The following TNS1 variants were observed in gnomAD, a reference collection of about 807,000 sequenced individuals.
The protein encoded by TNS1 is tensin 1.
In TNS1, 62 loss-of-function variants were observed where a neutral mutation model predicts 168.6. The ratio of observed to expected loss-of-function variants is 0.37; its 90% CI spans 0.30 to 0.45. The LOEUF is 0.45. Among genes scored for constraint, TNS1 ranks in the 20% least tolerant of loss-of-function variants. The pLI, the probability that TNS1 is intolerant of heterozygous loss-of-function variation, is 1.00. For missense variants in TNS1, 2,240 were observed against 2,339.4 expected, an observed-to-expected ratio of 0.96 and a Z score of 0.88; for synonymous variants, 934 against 933.2, an observed-to-expected ratio of 1.00 and a Z score of -0.02.
chr2:217,864,108 G>A (rs1949041187), intron 18 of TNS1, among the ~76,000 whole-genome samples: 1 of 152,180 alleles, frequency 6.6e-6, no homozygotes, highest in Admixed American at 6.5e-5. Context: ...AGTGCCAGAG[G>A]ATTACTCAGG....
chr2:217,838,267 C>T (rs369492516), intron 19 of TNS1, among the ~76,000 whole-genome samples: 2 of 152,190 alleles, frequency 1.3e-5, no homozygotes, highest in African/African-American at 2.4e-5. Context: ...TTTGAGGCAC[C>T]GAATCTCCTG....
intron 22 of TNS1, among the ~76,000 whole-genome samples, chr2:217,824,181 G>A (rs1188974726): frequency 1.3e-5 from 2 of 152,132 alleles, no homozygotes; most frequent in Non-Finnish European, 2.9e-5. Flanking sequence ...TACCAAAATA[G>A]TCAGTGGACA....
rs775730531 is a variant in TNS1 at position 217,869,591 on chromosome 2, C to T, written c.1429+11307G>A. The stretch of plus-strand genomic sequence containing the variant: ...AGTGGCCTGATGGAGTCTCCCCAGG[C>T]GGCCACATGGGGAGGAGGTGAGGAA... On this transcript the variant is annotated intron_variant, in intron 18 of 32. Transcript: ENST00000682258. Among the ~76,000 whole-genome samples, 9 of 152,250 alleles carry T rather than the reference C, an allele frequency of 5.9e-5. No homozygotes were observed. In the South Asian group the frequency reaches 6.2e-4, roughly 11 times the overall value.
chr2:217,834,755 G>A (rs1003975021), intron 21 of TNS1, among the ~76,000 whole-genome samples: 7 of 152,226 alleles, frequency 4.6e-5, no homozygotes, highest in South Asian at 4.1e-4. Context: ...AAAGAGTCAC[G>A]CTAAGATGGT....
intron 18 of TNS1, among the ~76,000 whole-genome samples, chr2:217,866,360 G>A (rs1025912151): frequency 5.3e-5 from 8 of 152,162 alleles, no homozygotes; most frequent in Non-Finnish European, 8.8e-5. Flanking sequence ...GCTCTACCAG[G>A]CACTGTTTGG....
At chr2:217,988,304 T>C (rs1958253475) in intron 2 of TNS1, among the ~76,000 whole-genome samples, 1 of 152,228 alleles carries the variant, frequency 6.6e-6, no homozygotes, top group Non-Finnish European at 1.5e-5. Context: ...GGGAGCCTTC[T>C]GTTCACATGG....
chr2:217,866,271 C>T (rs143298137), intron 18 of TNS1, among the ~76,000 whole-genome samples: 28 of 152,348 alleles, frequency 1.8e-4, no homozygotes, highest in African/African-American at 6.5e-4. Flanking sequence ...CTCCACTGTG[C>T]AATGGCAGAG....
intron 19 of TNS1, among the ~76,000 whole-genome samples, chr2:217,840,112 GAGA>G (rs765102909): frequency 9.9e-5 from 15 of 152,230 alleles, no homozygotes; most frequent in East Asian, 1.9e-4. Flanking sequence ...CCTGGACTGG[GAGA>G]AGAAGGGACC....
intron 3 of TNS1, among the ~76,000 whole-genome samples, chr2:217,946,628 C>A (rs1336376932): frequency 2.6e-5 from 4 of 152,084 alleles, no homozygotes; most frequent in African/African-American, 9.7e-5. Context: ...AGACACATCC[C>A]ACAAAGGTCT....
chr2:217,994,006 G>A (rs908807553), intron 1 of TNS1, among the ~76,000 whole-genome samples: 4 of 152,200 alleles, frequency 2.6e-5, no homozygotes, highest in African/African-American at 9.7e-5. Context: ...CTAGAAGTGG[G>A]GACTGCGGAG....
intron 1 of TNS1, among the ~76,000 whole-genome samples, chr2:218,023,177 G>A (rs1958823725): frequency 2.0e-5 from 3 of 152,180 alleles, no homozygotes; most frequent in Admixed American, 6.5e-5. Context: ...CCACTAAAGG[G>A]TCTAGGCTGA....
chr2:217,832,748 G>A (rs1574694080), intron 21 of TNS1, among the ~76,000 whole-genome samples: 2 of 152,330 alleles, frequency 1.3e-5, no homozygotes, highest in South Asian at 4.1e-4. Flanking sequence ...GTGGGAACAG[G>A]AAGATATCAC....
In TNS1 at chr2:217,992,141, C is replaced by T. The variant is rs150756786; in HGVS notation, c.34-1085G>A. 3.9e-3 allele frequency among the ~76,000 whole-genome samples: 590 copies of T among 152,016 alleles called. 5 individuals are homozygous for T. The highest frequency in any genetic ancestry group is 0.014 in the African/African-American group (563 of 41,464). On this transcript the variant is annotated intron_variant, in intron 1 of 32. Transcript: ENST00000682258. ...CCACTGCGGGGCAGGGGGGCCTATT[C>T]AGAGGACTCCCCACAGAAAGCATCC... is the stretch of plus-strand genomic sequence containing the variant.
At chr2:217,883,253 G>C (rs1230146935) in intron 16 of TNS1, among the ~76,000 whole-genome samples, 1 of 152,084 alleles carries the variant, frequency 6.6e-6, no homozygotes, top group Non-Finnish European at 1.5e-5. Flanking sequence ...AAATAAGATA[G>C]TTAAGCCTCT....
chr2:218,031,123 T>G (rs1292528755), intron 1 of TNS1, among the ~76,000 whole-genome samples: 1 of 88,874 alleles, frequency 1.1e-5, no homozygotes, highest in Non-Finnish European at 1.9e-5. Flanking sequence ...TGTGTGAGCA[T>G]GTCTGTGTGT....
At chr2:217,951,625 C>T (rs1477039275) in intron 3 of TNS1, among the ~76,000 whole-genome samples, 1 of 152,134 alleles carries the variant, frequency 6.6e-6, no homozygotes, top group Admixed American at 6.5e-5. Context: ...CTGACAGGGG[C>T]TCGCCCGCCC....
chr2:217,846,049 G>T (rs546108003), intron 19 of TNS1, among the ~76,000 whole-genome samples: 3 of 152,216 alleles, frequency 2.0e-5, no homozygotes, highest in South Asian at 2.1e-4. Context: ...AAGCCAGGGG[G>T]GTATCTTTAT....
At chr2:217,857,001 T>C (rs1255984526) in intron 18 of TNS1, among the ~76,000 whole-genome samples, 1 of 152,118 alleles carries the variant, frequency 6.6e-6, no homozygotes, top group African/African-American at 2.4e-5. Flanking sequence ...CACCTTCCCA[T>C]TCTGCTGAGT....
intron 13 of TNS1, 120 bp from the exon 14 acceptor site, chr2:217,886,224 A>G: frequency 3.7e-6 from 4 of 1,070,180 alleles, no homozygotes; most frequent in Middle Eastern, 2.4e-4. Flanking sequence ...ACGGGGTAGG[A>G]AGGGGAAGGA....
Sources: gnomAD v4.1 joint callset for allele counts (sites outside exome capture counted in the v4.1 genomes callset) on GRCh38, gnomAD v4.1.1 for gene constraint, MANE v1.5 for transcripts, NCBI Gene and HGNC (gene_info 2026-07-23, HGNC 2026-07-21) for gene names.